Variants in RNF170 observed in about 807,000 individuals in gnomAD.
RNF170 encodes ring finger protein 170, also known as E3 ubiquitin-protein ligase RNF170.
Under a neutral mutation model 32.7 loss-of-function variants are expected in RNF170, and 12 were observed. The ratio of observed to expected loss-of-function variants is 0.37; its 90% CI spans 0.24 to 0.60. The LOEUF is 0.60. Ranked by LOEUF, RNF170 falls within the 20% of genes least tolerant of loss-of-function variation. The probability of loss-of-function intolerance (pLI) is 0.72; values close to 1 mark genes in which losing one functional copy is unlikely to be tolerated. For missense variants in RNF170, 212 were observed against 311.2 expected, an observed-to-expected ratio of 0.68 and a Z score of 2.40; for synonymous variants, 91 against 103.6, an observed-to-expected ratio of 0.88 and a Z score of 0.74.
At position 42,854,010 on chromosome 8, in the gene RNF170, T is replaced by C. The variant is rs1803053043; in HGVS notation, c.*2149A>G. On this transcript the variant is annotated 3_prime_UTR_variant, in exon 7 of 7. Transcript: ENST00000527424. ...GACATCACCATTCCCCCACACCAAA[T>C]GTGTAATTGGTAGGAAATGCATTTC... The C allele has an allele frequency of 7.8e-7, 1 of 1,287,026 alleles. No individual in the cohort carries two copies. Among genetic ancestry groups the C allele is most frequent in the Non-Finnish European group, 1.0e-6 (1 of 988,662 alleles). The allele number at this position is 1,287,026 out of a possible 1,614,324, so 79.7% of individuals were successfully genotyped here.
Position 42,881,152 on chromosome 8 carries a change from C to T in RNF170, c.137+6576G>A, listed in dbSNP as rs369146093. The T allele has an allele frequency of 2.6e-5, 4 of 152,176 alleles. No homozygotes were observed. In the South Asian group the frequency reaches 8.3e-4, roughly 32 times the overall value. 9.4% of individuals were successfully genotyped at this position (152,176 alleles called of 1,614,324 possible). On this transcript the variant is annotated intron_variant, in intron 2 of 6. Transcript: ENST00000527424. ...CAGAATATATATAGAACACTTATAACTCAAAAACAAAAAAGTAAACAACCC... is the reference window on the plus strand; with the variant it reads ...CAGAATATATATAGAACACTTATAATTCAAAAACAAAAAAGTAAACAACCC...
chr8:42,888,199 G>GT (rs1311768120), intron 1 of RNF170, among the ~76,000 whole-genome samples: 1 of 151,850 alleles, frequency 6.6e-6, no homozygotes, highest in East Asian at 2.0e-4. Context: ...CCAAGTAGCT[G>GT]GGACTACAGG....
intron 1 of RNF170, among the ~76,000 whole-genome samples, chr8:42,892,912 G>T (rs1327255460): frequency 6.6e-6 from 1 of 151,390 alleles, no homozygotes; most frequent in Non-Finnish European, 1.5e-5. Context: ...GCTTGAACCT[G>T]GGGGGCAGAG....
chr8:42,897,035 C>T (rs1382565826), upstream of RNF170: 5 of 966,196 alleles, frequency 5.2e-6, no homozygotes, highest in Non-Finnish European at 6.7e-6. Context: ...GCAGGCGGGC[C>T]TGAGGCCGAG....
rs748855108 is a variant in RNF170, at chr8:42,856,155, T to C, written c.*4A>G. The C allele has an allele frequency of 8.7e-6, 14 of 1,612,714 alleles. No homozygotes were observed. The highest frequency in any genetic ancestry group is 1.2e-5 in the Non-Finnish European group (14 of 1,179,744). Reference sequence around the variant, plus strand: ...TCCTAGTAAACTCAGTTTTGTTTTCTTTTTCATCTAGTTAGCCTTTGGGTT... The same window carrying C: ...TCCTAGTAAACTCAGTTTTGTTTTCCTTTTCATCTAGTTAGCCTTTGGGTT... On this transcript the variant is annotated 3_prime_UTR_variant, in exon 7 of 7. Coordinates refer to ENST00000527424, the MANE Select transcript of RNF170 (RefSeq NM_030954.4).
downstream of RNF170, chr8:42,850,835 A>C: frequency 5.8e-6 from 9 of 1,551,636 alleles, no homozygotes; most frequent in Non-Finnish European, 7.8e-6. Context: ...AGTAACGTGA[A>C]GCATAAACGT....
downstream of RNF170, chr8:42,850,718 G>T (rs1802918853): frequency 1.9e-6 from 3 of 1,540,960 alleles, no homozygotes; most frequent in Non-Finnish European, 2.6e-6. Context: ...TAAGGGGAGG[G>T]GAGGGTCACT....
chr8:42,866,627 C>T (rs1339340620), intron 4 of RNF170, among the ~76,000 whole-genome samples: 1 of 151,138 alleles, frequency 6.6e-6, no homozygotes, highest in Non-Finnish European at 1.5e-5. Flanking sequence ...TCAAAAGACA[C>T]AAAAAGATTA....
intron 1 of RNF170, among the ~76,000 whole-genome samples, chr8:42,890,424 C>G (rs1806203464): frequency 1.3e-5 from 2 of 151,710 alleles, no homozygotes; most frequent in South Asian, 4.2e-4. Flanking sequence ...ACTACAGGCG[C>G]CCCCCACCAC....
chr8:42,890,513 G>A (rs1332213737), intron 1 of RNF170, among the ~76,000 whole-genome samples: 1 of 151,920 alleles, frequency 6.6e-6, no homozygotes, highest in Non-Finnish European at 1.5e-5. Context: ...TCCTGACCTC[G>A]TGATACACCC....
At chr8:42,884,432 C>A (rs184036095) in intron 2 of RNF170, among the ~76,000 whole-genome samples, 3 of 151,896 alleles carry the variant, frequency 2.0e-5, no homozygotes, top group Non-Finnish European at 4.4e-5. Flanking sequence ...AATTTTAATT[C>A]TTTAACAAGA....
At chr8:42,875,627 A>G (rs1275945676) in intron 2 of RNF170, among the ~76,000 whole-genome samples, 1 of 152,220 alleles carries the variant, frequency 6.6e-6, no homozygotes. Context: ...CCCAGGCTGG[A>G]GTGCGGTGGC....
Position 42,853,408 on chromosome 8 carries a change from G to A in RNF170, c.*2751C>T. 7.8e-7 allele frequency: 1 copy of A among 1,286,788 alleles called. No individual in the cohort carries two copies. The highest frequency in any genetic ancestry group is 1.0e-6 in the Non-Finnish European group (1 of 988,482). 79.7% of individuals were successfully genotyped at this position (1,286,788 alleles called of 1,614,324 possible). On this transcript the variant is annotated 3_prime_UTR_variant, in exon 7 of 7. Coordinates refer to ENST00000527424, the MANE Select transcript of RNF170 (RefSeq NM_030954.4). Reference sequence around the variant, plus strand: ...TCTTCTACAACAACTCTGTGAGGTAGGTATCTGCATAGCCACAAGGGATCC... The same window carrying A: ...TCTTCTACAACAACTCTGTGAGGTAAGTATCTGCATAGCCACAAGGGATCC...
rs3739352 is a variant in RNF170 at position 42,857,025 on chromosome 8, A to G, written c.508-597T>C. On this transcript the variant is annotated intron_variant, in intron 6 of 6. Coordinates refer to ENST00000527424, the MANE Select transcript of RNF170 (RefSeq NM_030954.4). ...CCAGACAATATAGAAGTGATTATAC[A>G]TTAAAGACATAGGAACTTTGATGGC... 1.7e-4 allele frequency among the ~76,000 whole-genome samples: 26 copies of G among 152,380 alleles called. No individual in the cohort carries two copies. In the East Asian group the frequency reaches 2.9e-3, roughly 17 times the overall value.
At chr8:42,896,924 C>G (rs575760144), upstream of RNF170, 30 of 381,156 alleles carry the variant, frequency 7.9e-5, no homozygotes, top group Non-Finnish European at 1.1e-4. Context: ...TCGCGCGCGG[C>G]TGGCGCGCGG....
chr8:42,870,609 A>T (rs1804452807), intron 3 of RNF170, among the ~76,000 whole-genome samples: 1 of 152,142 alleles, frequency 6.6e-6, no homozygotes, highest in Non-Finnish European at 1.5e-5. Context: ...ATGCGCCTGT[A>T]GTCCCAGCTA....
chr8:42,888,430 T>C (rs1305388774), intron 1 of RNF170, among the ~76,000 whole-genome samples: 1 of 151,890 alleles, frequency 6.6e-6, no homozygotes, highest in Non-Finnish European at 1.5e-5. Context: ...TTTTTAAAAA[T>C]GTTTTTTCCT....
chr8:42,858,012 G>GC (rs1344513700), intron 6 of RNF170, among the ~76,000 whole-genome samples: 3 of 152,180 alleles, frequency 2.0e-5, no homozygotes, highest in Admixed American at 1.3e-4. Context: ...TCTGGCCTGG[G>GC]CGACAGAGCG....
chr8:42,888,019 A>ACT lies in RNF170; in HGVS notation c.-7-149_-7-148insAG. On this transcript the variant is annotated intron_variant, in intron 1 of 6. Transcript: ENST00000527424. ...GTACAACTCCAGTGGGGACTGATGGAGTTCTTTAAAATTTGCCAGACACAT... is the reference window on the plus strand; with the variant it reads ...GTACAACTCCAGTGGGGACTGATGGACTGTTCTTTAAAATTTGCCAGACACAT... The ACT allele has an allele frequency of 8.4e-6, 6 of 712,832 alleles. No individual in the cohort carries two copies. In the South Asian group the frequency reaches 9.9e-5, roughly 12 times the overall value. 44.2% of individuals were successfully genotyped at this position (712,832 alleles called of 1,614,324 possible). A position where few individuals can be genotyped will look rare whatever the true frequency, so the allele number is the denominator to read the frequency against.
Sources: allele counts gnomAD v4.1 joint callset (sites outside exome capture counted in the v4.1 genomes callset), GRCh38; gene constraint gnomAD v4.1.1; transcripts MANE v1.5; gene names NCBI Gene and HGNC (gene_info 2026-07-23, HGNC 2026-07-21).